GSE1: variants seen among roughly 807,000 people sequenced by gnomAD.
GSE1 encodes Gse1 coiled-coil protein, also known as genetic suppressor element 1.
A neutral mutation model predicts 112.6 loss-of-function variants in GSE1; 32 were observed. The ratio of observed to expected loss-of-function variants is 0.28; its 90% CI spans 0.21 to 0.38. The LOEUF is 0.38. GSE1 is among the 10% of genes least tolerant of loss of function. The pLI is 1.00. For synonymous variants in GSE1, 1,115 were observed against 735.6 expected, an observed-to-expected ratio of 1.52 and a Z score of -8.35; for missense variants, 2,348 against 1,699.2, an observed-to-expected ratio of 1.38 and a Z score of -6.71.
Position 85,629,894 on chromosome 16 carries a change from C to T in GSE1, c.8-4020C>T, listed in dbSNP as rs185694365. Among the ~76,000 whole-genome samples the T allele has an allele frequency of 1.2e-3, 180 of 152,280 alleles. 2 individuals are homozygous for T. The highest frequency in any genetic ancestry group is 3.9e-3 in the South Asian group (19 of 4,826). ...ATCTAGCGTTGTGTGACCAACTGTC[C>T]GCAGCTCAGTGGCTTAAACACAAAA... On this transcript the variant is annotated intron_variant, in intron 1 of 15. Transcript: ENST00000253458.
chr16:85,613,710 G>C lies in GSE1; in HGVS notation c.7+312G>C, dbSNP rs562202486. 7.3e-5 allele frequency among the ~76,000 whole-genome samples: 11 copies of C among 151,038 alleles called. No individual in the cohort carries two copies. In the East Asian group the frequency reaches 7.8e-4, roughly 11 times the overall value. Reference sequence around the variant, plus strand: ...GTGCGGGCTAGAGGGCAGGTAAAGTGGGGGGATGGGGGTGGCGGGGGGAGT... The same window carrying C: ...GTGCGGGCTAGAGGGCAGGTAAAGTCGGGGGATGGGGGTGGCGGGGGGAGT... On this transcript the variant is annotated intron_variant, in intron 1 of 15. Transcript: ENST00000253458.
chr16:85,263,764 G>A (rs1014768105), intron 1 of GSE1, among the ~76,000 whole-genome samples: 3 of 152,110 alleles, frequency 2.0e-5, no homozygotes, highest in Non-Finnish European at 4.4e-5. Context: ...GTAGAGACAG[G>A]GTTTCACCAT....
chr16:85,420,647 G>A (rs2048818952), intron 2 of GSE1, among the ~76,000 whole-genome samples: 1 of 152,144 alleles, frequency 6.6e-6, no homozygotes, highest in Admixed American at 6.5e-5. Context: ...AGCCCACTCG[G>A]CCCACCGGGC....
chr16:85,459,442 A>G (rs537721289), intron 2 of GSE1, among the ~76,000 whole-genome samples: 3 of 152,330 alleles, frequency 2.0e-5, no homozygotes, highest in East Asian at 1.9e-4. Flanking sequence ...GCAGTGAACA[A>G]TCTGGACGAC....
intron 2 of GSE1, among the ~76,000 whole-genome samples, chr16:85,427,552 G>C (rs767594525): frequency 6.6e-6 from 1 of 152,250 alleles, no homozygotes; most frequent in Non-Finnish European, 1.5e-5. Context: ...TGAGGCAGGA[G>C]AATCGCTTGA....
intron 3 of GSE1, among the ~76,000 whole-genome samples, chr16:85,653,756 T>A (rs998350468): frequency 1.3e-5 from 2 of 152,096 alleles, no homozygotes; most frequent in Non-Finnish European, 2.9e-5. Flanking sequence ...CAGTGCCAGC[T>A]TCCTTTGCCC....
chr16:85,587,818 C>T (rs1040114275), intron 1 of GSE1, among the ~76,000 whole-genome samples: 2 of 152,152 alleles, frequency 1.3e-5, no homozygotes, highest in East Asian at 1.9e-4. Context: ...CGCCCTACCC[C>T]CAAGCCTTCC....
Position 85,532,259 on chromosome 16 carries a change from G to C in GSE1, c.2465-101655G>C, listed in dbSNP as rs78120096. Reference sequence around the variant, plus strand: ...GCACAGCTAAAATGTGGTAGAGCTGGGATCATTTTGTTTGTTTTTAAGACA... The same window carrying C: ...GCACAGCTAAAATGTGGTAGAGCTGCGATCATTTTGTTTGTTTTTAAGACA... On this transcript the variant is annotated intron_variant, in intron 2 of 2. Coordinates refer to the GSE1 transcript ENST00000637419. Among the ~76,000 whole-genome samples, 356 of 152,108 alleles carry C rather than the reference G, an allele frequency of 2.3e-3. 2 individuals carry two copies. Among genetic ancestry groups the C allele is most frequent in the East Asian group, 0.017 (89 of 5,174 alleles).
At chr16:85,378,270 T>A (rs934556086) in intron 2 of GSE1, among the ~76,000 whole-genome samples, 6 of 152,056 alleles carry the variant, frequency 3.9e-5, no homozygotes, top group African/African-American at 1.4e-4. Context: ...CGCCAGCCCC[T>A]CCCTCAGCTG....
intron 2 of GSE1, among the ~76,000 whole-genome samples, chr16:85,647,461 A>G (rs966318155): frequency 1.3e-5 from 2 of 152,208 alleles, no homozygotes; most frequent in African/African-American, 4.8e-5. Context: ...ATTTAAAAAT[A>G]AATGGATCTT....
intron 1 of GSE1, among the ~76,000 whole-genome samples, chr16:85,575,336 A>G (rs1356112986): frequency 6.6e-6 from 1 of 152,158 alleles, no homozygotes; most frequent in Non-Finnish European, 1.5e-5. Flanking sequence ...GGCGGAATCT[A>G]GGAGATCTGC....
At chr16:85,466,206 C>T (rs1243894169) in intron 2 of GSE1, among the ~76,000 whole-genome samples, 1 of 152,232 alleles carries the variant, frequency 6.6e-6, no homozygotes, top group African/African-American at 2.4e-5. Flanking sequence ...AACCTGGCTG[C>T]CTGCCAGCTG....
At chr16:85,568,378 G>A (rs2045847170) in intron 1 of GSE1, among the ~76,000 whole-genome samples, 1 of 152,194 alleles carries the variant, frequency 6.6e-6, no homozygotes, top group Non-Finnish European at 1.5e-5. Flanking sequence ...ATAATAGTGA[G>A]GGTTGTCTCT....
intron 2 of GSE1, among the ~76,000 whole-genome samples, chr16:85,400,228 G>A (rs775088071): frequency 1.3e-5 from 2 of 151,572 alleles, no homozygotes; most frequent in Non-Finnish European, 2.9e-5. Flanking sequence ...TCAAAGAGAT[G>A]GGAAAACAGG....
intron 1 of GSE1, among the ~76,000 whole-genome samples, chr16:85,339,902 C>T (rs980463190): frequency 6.6e-6 from 1 of 152,178 alleles, no homozygotes; most frequent in South Asian, 2.1e-4. Flanking sequence ...CTGTCTTACT[C>T]ACTGCCAAGT....
intron 1 of GSE1, among the ~76,000 whole-genome samples, chr16:85,246,407 A>G (rs1411274159): frequency 2.2e-4 from 1 of 4,624 alleles, no homozygotes; most frequent in Non-Finnish European, 3.8e-4. Context: ...CGCTGTCTAC[A>G]CACACACACA....
At chr16:85,554,793 G>A, upstream of GSE1, 1 of 776,906 alleles carries the variant, frequency 1.3e-6, no homozygotes, top group Non-Finnish European at 1.6e-6. Context: ...GAGGGAGGGA[G>A]GACGGACGGG....
intron 2 of GSE1, among the ~76,000 whole-genome samples, chr16:85,503,385 C>T (rs1015513529): frequency 6.6e-6 from 1 of 152,174 alleles, no homozygotes; most frequent in African/African-American, 2.4e-5. Flanking sequence ...CCTCAGCTGC[C>T]GCTCCTCCTC....
At chr16:85,275,535 G>C (rs12930985) in intron 1 of GSE1, among the ~76,000 whole-genome samples, 22,885 of 152,228 alleles carry the variant, frequency 0.15, 2,252 homozygotes, top group East Asian at 0.37. Context: ...AATGGCACCA[G>C]TGAAAAGAGA....
Sources: gnomAD v4.1 joint callset for allele counts (sites outside exome capture counted in the v4.1 genomes callset) on GRCh38, gnomAD v4.1.1 for gene constraint, MANE v1.5 for transcripts, NCBI Gene and HGNC (gene_info 2026-07-23, HGNC 2026-07-21) for gene names.